MEOX2: variants seen among roughly 807,000 people sequenced by gnomAD.
The protein encoded by MEOX2 is mesenchyme homeobox 2.
A neutral mutation model predicts 27.0 loss-of-function variants in MEOX2; 11 were observed. That is an observed-to-expected ratio of 0.41 (90% CI 0.26 to 0.68). The LOEUF is 0.68. MEOX2 is among the 30% of genes least tolerant of loss of function. The pLI, the probability that MEOX2 is intolerant of heterozygous loss-of-function variation, is 0.33. For missense variants in MEOX2, 436 were observed against 385.4 expected (o/e 1.13, Z -1.10); for synonymous variants, 189 against 155.4 (o/e 1.22, Z -1.61).
At chr7:15,651,355 C>T (rs1781730193) in intron 1 of MEOX2, among the ~76,000 whole-genome samples, 1 of 151,930 alleles carries the variant, frequency 6.6e-6, no homozygotes, top group African/African-American at 2.4e-5. Context: ...TCAGTTAACT[C>T]TGGCATGTTC....
chr7:15,662,811 C>T (rs1173673879), intron 1 of MEOX2, among the ~76,000 whole-genome samples: 2 of 152,094 alleles, frequency 1.3e-5, no homozygotes, highest in Non-Finnish European at 2.9e-5. Flanking sequence ...CCAAAAGATT[C>T]ATGACTGAAT....
intron 1 of MEOX2, among the ~76,000 whole-genome samples, chr7:15,673,597 C>CAAAAAAAAAAAAAAA (rs35223717): frequency 1.3e-5 from 1 of 76,196 alleles, no homozygotes; most frequent in African/African-American, 5.1e-5. Flanking sequence ...ACAAGTCTAT[C>CAAAAAAAAAAAAAAA]AAAAAAAAAA....
At chr7:15,613,395 C>CT (rs1562592723) in intron 2 of MEOX2, among the ~76,000 whole-genome samples, 1 of 148,990 alleles carries the variant, frequency 6.7e-6, no homozygotes, top group Non-Finnish European at 1.5e-5. Flanking sequence ...GTATTAAAAA[C>CT]AAAAAAAACA....
rs80201880 is a variant in MEOX2 at position 15,641,579 on chromosome 7, G to A, written c.518-14661C>T. On this transcript the variant is annotated intron_variant, in intron 1 of 2. Transcript: ENST00000262041. ...TTTTTTACATCCAGTTTGCCAATCT[G>A]TATCTTTTAAGTGGGGCAGTTAGGC... is the stretch of plus-strand genomic sequence containing the variant. 4.8e-3 allele frequency among the ~76,000 whole-genome samples: 723 copies of A among 152,136 alleles called. 5 individuals carry two copies. Among genetic ancestry groups the A allele is most frequent in the African/African-American group, 0.016 (670 of 41,510 alleles).
At chr7:15,651,298 T>C (rs1583768899) in intron 1 of MEOX2, among the ~76,000 whole-genome samples, 2 of 152,128 alleles carry the variant, frequency 1.3e-5, no homozygotes, top group East Asian at 3.9e-4. Flanking sequence ...TAGTAATTAA[T>C]ATATATATCC....
At chr7:15,641,768 T>A (rs2115371077) in intron 1 of MEOX2, among the ~76,000 whole-genome samples, 1 of 152,302 alleles carries the variant, frequency 6.6e-6, no homozygotes, top group Non-Finnish European at 1.5e-5. Flanking sequence ...TTATTTCCAT[T>A]TTTAGAACTC....
In MEOX2 at chr7:15,612,155, C is replaced by A; in HGVS notation, c.*232G>T. The A allele has an allele frequency of 3.5e-6, 2 of 571,116 alleles. No homozygotes were observed. The highest frequency in any genetic ancestry group is 4.3e-5 in the South Asian group (2 of 46,270). The allele number at this position is 571,116 out of a possible 1,614,324, so 35.4% of individuals were successfully genotyped here. On this transcript the variant is annotated 3_prime_UTR_variant, in exon 3 of 3. Transcript: ENST00000262041. ...TCACTGCCATACGCACGACCAAACA[C>A]ATCTGGAATATTCAAAGCAAGTTCA...
intron 1 of MEOX2, among the ~76,000 whole-genome samples, chr7:15,675,490 T>A (rs1266023698): frequency 1.3e-5 from 2 of 152,172 alleles, no homozygotes; most frequent in Non-Finnish European, 2.9e-5. Flanking sequence ...ACTTAAGGCT[T>A]CAAAATATTT....
At chr7:15,678,418 AAC>A (rs1782237367) in intron 1 of MEOX2, among the ~76,000 whole-genome samples, 1 of 152,222 alleles carries the variant, frequency 6.6e-6, no homozygotes. Flanking sequence ...CGTTTCGGAT[AAC>A]ACATATTTAT....
At chr7:15,626,630 A>C (rs944459201) in intron 2 of MEOX2, 116 bp downstream of exon 2, 3 of 681,892 alleles carry the variant, frequency 4.4e-6, no homozygotes, top group Non-Finnish European at 7.4e-6. Flanking sequence ...GAATAGTATA[A>C]CTGTCTTCCA....
chr7:15,685,963 C>G lies in MEOX2; in HGVS notation c.440G>C (p.Gly147Ala), dbSNP rs772029318. The stretch of plus-strand genomic sequence containing the variant: ...TGACAGTGCCTGGCGGCCGTAGTCC[C>G]CCGGCGCGCACGCGGCCCCAGTCGG... ...STPTGAACAP[G>A]DYGRQALSPA... Residue 147 changes from glycine (G) to alanine (A), a missense_variant, in exon 1 of 3, where the codon GGG becomes GCG. By Grantham distance (60) the Gly-to-Ala change is moderately conservative. Transcript: ENST00000262041. The G allele has an allele frequency of 3.1e-6, 5 of 1,611,370 alleles. No individual in the cohort carries two copies. The South Asian group carries it at 5.5e-5, about 18-fold the overall frequency.
At chr7:15,616,527 A>G (rs892656886) in intron 2 of MEOX2, among the ~76,000 whole-genome samples, 3 of 151,956 alleles carry the variant, frequency 2.0e-5, no homozygotes, top group Non-Finnish European at 2.9e-5. Context: ...ATTTATAAAT[A>G]GAGACTTCAT....
At position 15,611,481 on chromosome 7, in the gene MEOX2, T is replaced by C. The variant is rs1260323771; in HGVS notation, c.*906A>G. 1 of 152,668 alleles carries C rather than the reference T, an allele frequency of 6.6e-6. No individual in the cohort carries two copies. The highest frequency in any genetic ancestry group is 1.9e-4 in the East Asian group (1 of 5,200). 9.5% of individuals were successfully genotyped at this position (152,668 alleles called of 1,614,324 possible). On this transcript the variant is annotated 3_prime_UTR_variant, in exon 3 of 3. Coordinates refer to ENST00000262041, the MANE Select transcript of MEOX2 (RefSeq NM_005924.5). ...TACAGAAATAAAATAAGACAATGTCTGTCATACAAAGCTCTTTCTGCAAGG... is the reference window on the plus strand; with the variant it reads ...TACAGAAATAAAATAAGACAATGTCCGTCATACAAAGCTCTTTCTGCAAGG...
At chr7:15,635,559 C>T (rs1360736610) in intron 1 of MEOX2, among the ~76,000 whole-genome samples, 3 of 151,962 alleles carry the variant, frequency 2.0e-5, no homozygotes, top group East Asian at 1.9e-4. Context: ...ATATTACGGG[C>T]ACTCAATAAT....
chr7:15,643,933 A>T (rs1476449247), intron 1 of MEOX2, among the ~76,000 whole-genome samples: 2 of 152,162 alleles, frequency 1.3e-5, no homozygotes, highest in African/African-American at 4.8e-5. Context: ...AGCTGCTCCC[A>T]GGCCACCAAC....
intron 1 of MEOX2, among the ~76,000 whole-genome samples, chr7:15,639,578 C>CT (rs138256379): frequency 5.1e-4 from 77 of 151,732 alleles, no homozygotes; most frequent in African/African-American, 1.5e-3. Flanking sequence ...AGATTTTCCT[C>CT]TTTTTTTTAT....
intron 1 of MEOX2, among the ~76,000 whole-genome samples, chr7:15,635,999 G>A (rs1781474007): frequency 6.6e-6 from 1 of 151,966 alleles, no homozygotes; most frequent in Admixed American, 6.6e-5. Flanking sequence ...TAGTGTGCTT[G>A]TGTTTGTGTG....
chr7:15,651,286 C>T (rs1322363461), intron 1 of MEOX2, among the ~76,000 whole-genome samples: 1 of 151,808 alleles, frequency 6.6e-6, no homozygotes, highest in Admixed American at 6.6e-5. Flanking sequence ...TTCTCCTGCC[C>T]ATAGTAATTA....
chr7:15,673,600 A>G (rs1307947930), intron 1 of MEOX2, among the ~76,000 whole-genome samples: 19 of 83,228 alleles, frequency 2.3e-4, no homozygotes, highest in African/African-American at 1.0e-3. Flanking sequence ...AGTCTATCAA[A>G]AAAAAAAAAA....
Sources: allele counts gnomAD v4.1 joint callset (sites outside exome capture counted in the v4.1 genomes callset), GRCh38; gene constraint gnomAD v4.1.1; transcripts MANE v1.5; gene names NCBI Gene and HGNC (gene_info 2026-07-23, HGNC 2026-07-21).